MAPT: variants seen among roughly 807,000 people sequenced by gnomAD.
The protein encoded by MAPT is microtubule associated protein tau, also known as microtubule-associated protein tau.
In MAPT, 34 loss-of-function variants were observed where a neutral mutation model predicts 67.9. The observed-to-expected ratio is 0.50, with a 90% CI of 0.38 to 0.67. MAPT has a LOEUF of 0.67. Ranked by LOEUF, MAPT falls within the 30% of genes least tolerant of loss-of-function variation. The pLI, the probability that MAPT is intolerant of heterozygous loss-of-function variation, is 0.00. For synonymous variants in MAPT, 456 were observed against 464.5 expected (o/e 0.98, Z 0.23); for missense variants, 881 against 1,115.2 (o/e 0.79, Z 2.99).
intron 1 of MAPT, among the ~76,000 whole-genome samples, chr17:45,900,419 A>T (rs987714999): frequency 3.3e-5 from 5 of 152,148 alleles, no homozygotes; most frequent in Non-Finnish European, 7.4e-5. Context: ...CAGTTAGGAA[A>T]CTTTCTGTAA....
chr17:45,921,837 G>A (rs4792894), intron 1 of MAPT, among the ~76,000 whole-genome samples: 11,026 of 152,192 alleles, frequency 0.072, 592 homozygotes, highest in Non-Finnish European at 0.1. Context: ...AAAGAAGGAC[G>A]TCTTGGGGGT....
chr17:46,027,545 G>A lies in MAPT; in HGVS notation c.*3374G>A, dbSNP rs1284957537. ...GCTATTGCTTGTTGTGCTATGGGGGGAGGGGGGAGGAATGTGTAAGATAGT... is the reference window on the plus strand; with the variant it reads ...GCTATTGCTTGTTGTGCTATGGGGGAAGGGGGGAGGAATGTGTAAGATAGT... On this transcript the variant is annotated 3_prime_UTR_variant, in exon 13 of 13. Transcript: ENST00000262410. The A allele has an allele frequency of 6.6e-6, 1 of 152,324 alleles. No individual in the cohort carries two copies. Among genetic ancestry groups the A allele is most frequent in the Non-Finnish European group, 1.5e-5 (1 of 68,132 alleles). 9.4% of individuals were successfully genotyped at this position (152,324 alleles called of 1,614,324 possible). A position where few individuals can be genotyped will look rare whatever the true frequency, so the allele number is the denominator to read the frequency against.
intron 9 of MAPT, among the ~76,000 whole-genome samples, chr17:46,008,686 A>G (rs905938730): frequency 1.3e-5 from 2 of 151,926 alleles, no homozygotes; most frequent in Admixed American, 6.6e-5. Context: ...AATTAAGGGG[A>G]AAAAAAACGG....
rs1301865364 is a variant in MAPT, at chr17:45,983,102, G to A, written c.523G>A (p.Gly175Arg). The change falls in exon 5 of 13, where the codon GGA becomes AGA. Residue 175 changes from glycine to arginine, a missense_variant. By Grantham distance (125) the Gly-to-Arg change is moderately radical (BLOSUM62 -2). Coordinates refer to ENST00000262410, the MANE Select transcript of MAPT (RefSeq NM_001377265.1). ...CCCTCAGGAGCCCTCCCTGGAGTGG[G>A]GACAAAAAGGCGGGGACTGGGCCGA... The part of the protein sequence containing the change: ...GGPQEPSLEW[G>R]QKGGDWAEKG... 1 of 1,554,380 alleles carries A rather than the reference G, an allele frequency of 6.4e-7. No individual in the cohort carries two copies. The highest frequency in any genetic ancestry group is 8.7e-7 in the Non-Finnish European group (1 of 1,147,676).
intron 1 of MAPT, among the ~76,000 whole-genome samples, chr17:45,921,536 A>C (rs1360456491): frequency 6.6e-6 from 1 of 152,136 alleles, no homozygotes; most frequent in East Asian, 1.9e-4. Flanking sequence ...ATCGAGCATC[A>C]TGTCACCCGG....
intron 1 of MAPT, among the ~76,000 whole-genome samples, chr17:45,920,097 G>T (rs1392315734): frequency 1.3e-5 from 2 of 152,256 alleles, no homozygotes; most frequent in African/African-American, 4.8e-5. Flanking sequence ...GAGCACAGGA[G>T]CCAGGGTGCT....
chr17:45,920,286 G>A lies in MAPT; in HGVS notation c.-18+25600G>A, dbSNP rs886644221. 3.3e-5 allele frequency among the ~76,000 whole-genome samples: 5 copies of A among 152,236 alleles called. 1 individual carries two copies. In the South Asian group the frequency reaches 1.0e-3, roughly 31 times the overall value. On this transcript the variant is annotated intron_variant, in intron 1 of 12. Coordinates refer to ENST00000262410, the MANE Select transcript of MAPT (RefSeq NM_001377265.1). ...GGCAATGTTGACCAGCTGCCTGGCT[G>A]GAGTTGGCAGTGGCTAAGGCTGTGA...
chr17:45,972,566 A>G (rs1399566328), intron 3 of MAPT, among the ~76,000 whole-genome samples: 2 of 152,182 alleles, frequency 1.3e-5, no homozygotes, highest in African/African-American at 2.4e-5. Flanking sequence ...AGAAACCCCA[A>G]CTAACTGTGG....
chr17:45,988,116 C>A (rs1284534218), intron 6 of MAPT, among the ~76,000 whole-genome samples: 1 of 152,094 alleles, frequency 6.6e-6, no homozygotes, highest in African/African-American at 2.4e-5. Flanking sequence ...GTCGTCAATA[C>A]CCCCACCCCA....
At chr17:45,926,882 A>T (rs2066344546) in intron 1 of MAPT, among the ~76,000 whole-genome samples, 1 of 150,588 alleles carries the variant, frequency 6.6e-6, no homozygotes. Flanking sequence ...GGAAAAAAGT[A>T]CGTGTGTGGT....
chr17:45,984,019 C>A, intron 5 of MAPT, 89 bp downstream of exon 5: 2 of 1,121,356 alleles, frequency 1.8e-6, no homozygotes, highest in Non-Finnish European at 2.5e-6. Context: ...CCAGGCCTCC[C>A]GACTCCTGCT....
intron 1 of MAPT, chr17:45,894,969 G>A (rs1291649485): frequency 1.3e-5 from 2 of 153,714 alleles, no homozygotes; most frequent in African/African-American, 2.4e-5. Context: ...GGCTGTGCCG[G>A]CAGGGTGGGG....
intron 1 of MAPT, among the ~76,000 whole-genome samples, chr17:45,945,214 A>G (rs1436800145): frequency 6.6e-6 from 1 of 152,240 alleles, no homozygotes; most frequent in African/African-American, 2.4e-5. Flanking sequence ...GCAGCTGAAC[A>G]TCATGTGTAA....
intron 1 of MAPT, among the ~76,000 whole-genome samples, chr17:45,912,225 A>G (rs2144167386): frequency 6.6e-6 from 1 of 152,384 alleles, no homozygotes; most frequent in East Asian, 1.9e-4. Context: ...TCAGATAACA[A>G]CAAATAATTG....
intron 1 of MAPT, among the ~76,000 whole-genome samples, chr17:45,904,188 G>T (rs374089026): frequency 1.2e-3 from 30 of 25,078 alleles, no homozygotes; most frequent in South Asian, 1.8e-3. Context: ...ATAATATATT[G>T]TATATATTAT....
intron 1 of MAPT, among the ~76,000 whole-genome samples, chr17:45,901,256 A>G (rs2063591456): frequency 6.6e-6 from 1 of 152,144 alleles, no homozygotes; most frequent in Non-Finnish European, 1.5e-5. Flanking sequence ...CACCAGCCCA[A>G]ACTGACCTGC....
intron 1 of MAPT, among the ~76,000 whole-genome samples, chr17:45,942,220 T>C (rs2068064092): frequency 6.6e-6 from 1 of 152,248 alleles, no homozygotes; most frequent in Admixed American, 6.5e-5. Flanking sequence ...ATATGTATTC[T>C]TTTCTTATGT....
chr17:46,023,894 T>C, intron 12 of MAPT, 62 bp from the exon 13 acceptor site: 1 of 1,420,934 alleles, frequency 7.0e-7, no homozygotes, highest in South Asian at 1.1e-5. Context: ...GGCAGGGCAG[T>C]TGGCAGGGCT....
At chr17:45,929,629 A>G (rs1274085026) in intron 1 of MAPT, among the ~76,000 whole-genome samples, 1 of 152,194 alleles carries the variant, frequency 6.6e-6, no homozygotes, top group East Asian at 1.9e-4. Context: ...AGGAATATAC[A>G]AGAAGAGCTC....
Sources: allele counts gnomAD v4.1 joint callset (sites outside exome capture counted in the v4.1 genomes callset), GRCh38; gene constraint gnomAD v4.1.1; transcripts MANE v1.5; gene names NCBI Gene and HGNC (gene_info 2026-07-23, HGNC 2026-07-21).